The following TNFSF4 variants were observed in gnomAD, a reference collection of about 807,000 sequenced individuals.
TNFSF4 encodes the protein TNF superfamily member 4.
In TNFSF4, 4 loss-of-function variants were observed where a neutral mutation model predicts 7.3. The ratio of observed to expected loss-of-function variants is 0.55; its 90% CI spans 0.27 to 1.25. TNFSF4 has a LOEUF of 1.25. Among genes scored for constraint, TNFSF4 ranks in the 50% most tolerant of loss-of-function variants. The pLI, the probability that TNFSF4 is intolerant of heterozygous loss-of-function variation, is 0.12. For synonymous variants in TNFSF4, 76 were observed against 83.7 expected, an observed-to-expected ratio of 0.91 and a Z score of 0.50; for missense variants, 181 against 208.8, an observed-to-expected ratio of 0.87 and a Z score of 0.82.
At chr1:173,364,818 A>G in the TNFSF4 span, among the ~76,000 whole-genome samples, 2 of 152,208 alleles carry the variant, frequency 1.3e-5, no homozygotes, top group Non-Finnish European at 2.9e-5. Flanking sequence ...CAGGCAGGGC[A>G]GTAGTCAAGT....
At chr1:173,203,096 G>T (rs371145397) in intron 1 of TNFSF4, among the ~76,000 whole-genome samples, 1 of 152,140 alleles carries the variant, frequency 6.6e-6, no homozygotes, top group East Asian at 1.9e-4. Context: ...GCCTCAAATG[G>T]TACCTAGCAC....
chr1:173,321,309 C>T, the TNFSF4 span, among the ~76,000 whole-genome samples: 3 of 152,176 alleles, frequency 2.0e-5, no homozygotes, highest in Non-Finnish European at 1.5e-5. Flanking sequence ...CTTCTTTATA[C>T]CTTATACAAA....
chr1:173,199,123 C>G (rs1649836488), intron 1 of TNFSF4, among the ~76,000 whole-genome samples: 2 of 152,174 alleles, frequency 1.3e-5, no homozygotes, highest in Admixed American at 1.3e-4. Flanking sequence ...TACGCTATTG[C>G]TTGTTTAACT....
the TNFSF4 span, chr1:173,418,610 G>A: frequency 2.0e-5 from 3 of 148,324 alleles, no homozygotes; most frequent in Non-Finnish European, 3.0e-5. Flanking sequence ...TAGGCGTCTT[G>A]AAAACTTTCA....
the TNFSF4 span, among the ~76,000 whole-genome samples, chr1:173,388,349 A>T: frequency 1.3e-5 from 2 of 152,222 alleles, no homozygotes; most frequent in Admixed American, 1.3e-4. Context: ...GTGTCTATGT[A>T]CTTTGCATGT....
chr1:173,407,322 C>T, the TNFSF4 span, among the ~76,000 whole-genome samples: 4 of 151,706 alleles, frequency 2.6e-5, no homozygotes, highest in Non-Finnish European at 5.9e-5. Flanking sequence ...ACCTATAATC[C>T]CAGCACTTTG....
At chr1:173,405,644 G>T in the TNFSF4 span, among the ~76,000 whole-genome samples, 1 of 152,070 alleles carries the variant, frequency 6.6e-6, no homozygotes, top group African/African-American at 2.4e-5. Context: ...GGTAAATTTA[G>T]GTTTATTCAC....
the TNFSF4 span, among the ~76,000 whole-genome samples, chr1:173,387,317 G>C: frequency 6.6e-6 from 1 of 152,092 alleles, no homozygotes; most frequent in African/African-American, 2.4e-5. Context: ...GTCTTGGATG[G>C]GACTAATACT....
chr1:173,394,547 T>C, the TNFSF4 span, among the ~76,000 whole-genome samples: 1 of 152,218 alleles, frequency 6.6e-6, no homozygotes, highest in African/African-American at 2.4e-5. Context: ...ATCTGTGGAC[T>C]AAGTAAAGCA....
At chr1:173,189,175 G>T (rs1649365506) in intron 1 of TNFSF4, among the ~76,000 whole-genome samples, 1 of 152,138 alleles carries the variant, frequency 6.6e-6, no homozygotes, top group Non-Finnish European at 1.5e-5. Flanking sequence ...TTGGTATACT[G>T]TTTTGTCTCA....
At chr1:173,318,836 C>T in the TNFSF4 span, among the ~76,000 whole-genome samples, 4 of 152,194 alleles carry the variant, frequency 2.6e-5, no homozygotes, top group Non-Finnish European at 4.4e-5. Context: ...CACGTGATTT[C>T]AGCATTTCCA....
the TNFSF4 span, among the ~76,000 whole-genome samples, chr1:173,357,447 G>A: frequency 3.3e-5 from 5 of 152,174 alleles, no homozygotes; most frequent in Admixed American, 6.5e-5. Context: ...AAACTAGAAA[G>A]TGAGAACCAG....
At chr1:173,382,986 T>C in the TNFSF4 span, among the ~76,000 whole-genome samples, 3 of 152,202 alleles carry the variant, frequency 2.0e-5, no homozygotes. Context: ...CAATTATCTT[T>C]TTAAAAAACA....
the TNFSF4 span, among the ~76,000 whole-genome samples, chr1:173,263,575 C>A: frequency 6.6e-6 from 1 of 152,188 alleles, no homozygotes. Flanking sequence ...CAAAATCATT[C>A]ACTTTCTCAT....
the TNFSF4 span, among the ~76,000 whole-genome samples, chr1:173,325,254 C>T: frequency 1.3e-5 from 2 of 152,120 alleles, no homozygotes; most frequent in Admixed American, 6.5e-5. Context: ...CAACCTGCTC[C>T]TGAATGACTA....
chr1:173,181,784 G>A (rs183113088), downstream of TNFSF4, among the ~76,000 whole-genome samples: 14 of 152,302 alleles, frequency 9.2e-5, no homozygotes, highest in East Asian at 2.7e-3. Context: ...TGCCAATTCT[G>A]CTAGGTAATA....
In TNFSF4 at chr1:173,184,066, T is replaced by C. The variant is rs1192275201; in HGVS notation, c.*2450A>G. The stretch of plus-strand genomic sequence containing the variant: ...GGAGAAGGTTACACTCCTTGACTCA[T>C]AGCAACAAGAACATAGACATTTAAT... On this transcript the variant is annotated 3_prime_UTR_variant, in exon 3 of 3. Coordinates refer to ENST00000281834, the MANE Select transcript of TNFSF4 (RefSeq NM_003326.5). 2 of 152,234 alleles carry C rather than the reference T, an allele frequency of 1.3e-5. No individual in the cohort carries two copies. Among genetic ancestry groups the C allele is most frequent in the Admixed American group, 6.5e-5 (1 of 15,280 alleles). The allele number at this position is 152,234 out of a possible 1,614,324, so 9.4% of individuals were successfully genotyped here. A position where few individuals can be genotyped will look rare whatever the true frequency, so the allele number is the denominator to read the frequency against.
At chr1:173,355,685 A>G in the TNFSF4 span, among the ~76,000 whole-genome samples, 1 of 152,364 alleles carries the variant, frequency 6.6e-6, no homozygotes, top group Admixed American at 6.5e-5. Flanking sequence ...ACCTACAACA[A>G]GTTAGAAGAA....
chr1:173,178,637 C>A, the TNFSF4 span, among the ~76,000 whole-genome samples: 3 of 152,104 alleles, frequency 2.0e-5, no homozygotes, highest in African/African-American at 4.8e-5. Flanking sequence ...ATATAAAATT[C>A]TTGGCTTCTA....
Sources: allele counts gnomAD v4.1 joint callset (sites outside exome capture counted in the v4.1 genomes callset), GRCh38; gene constraint gnomAD v4.1.1; transcripts MANE v1.5; gene names NCBI Gene and HGNC (gene_info 2026-07-23, HGNC 2026-07-21).